NLGN1: variants seen among roughly 807,000 people sequenced by gnomAD.
NLGN1 encodes the protein neuroligin-1.
A neutral mutation model predicts 65.5 loss-of-function variants in NLGN1; 12 were observed. The ratio of observed to expected loss-of-function variants is 0.18; its 90% CI spans 0.12 to 0.30. The LOEUF (loss-of-function observed/expected upper bound fraction) is 0.30. NLGN1 is among the 10% of genes least tolerant of loss of function. The pLI is 1.00. For synonymous variants in NLGN1, 350 were observed against 359.5 expected (o/e 0.97, Z 0.30); for missense variants, 750 against 1,007.1 (o/e 0.74, Z 3.46).
intron 3 of NLGN1, among the ~76,000 whole-genome samples, chr3:173,737,523 C>A (rs1773965445): frequency 2.0e-5 from 3 of 151,982 alleles, no homozygotes; most frequent in African/African-American, 7.2e-5. Flanking sequence ...TGATATGCAA[C>A]CTTTTGGCTT....
chr3:173,841,099 T>C, intron 4 of NLGN1, among the ~76,000 whole-genome samples: 1 of 151,544 alleles, frequency 6.6e-6, no homozygotes, highest in East Asian at 1.9e-4. Flanking sequence ...TTCTTAGAAA[T>C]ACTTTAAAAC....
At chr3:174,231,879 T>C (rs899611497) in intron 4 of NLGN1, among the ~76,000 whole-genome samples, 11 of 152,182 alleles carry the variant, frequency 7.2e-5, no homozygotes, top group African/African-American at 2.7e-4. Flanking sequence ...CCTTTCTAAG[T>C]CTAGGTTTTC....
chr3:173,878,067 A>G (rs1055818818), intron 4 of NLGN1, among the ~76,000 whole-genome samples: 6 of 152,064 alleles, frequency 3.9e-5, no homozygotes, highest in African/African-American at 1.4e-4. Context: ...TTTGAGACAG[A>G]GTCTCGCTCT....
At chr3:173,887,879 A>AC (rs397875268) in intron 4 of NLGN1, among the ~76,000 whole-genome samples, 2 of 151,902 alleles carry the variant, frequency 1.3e-5, no homozygotes, top group Non-Finnish European at 2.9e-5. Context: ...ACTAAAAAAA[A>AC]CCCACTTCTA....
rs142577000 is a variant in NLGN1, at chr3:174,054,720, G to A, written c.647-220595G>A. 2.9e-3 allele frequency among the ~76,000 whole-genome samples: 438 copies of A among 152,100 alleles called. 1 individual carries two copies. The highest frequency in any genetic ancestry group is 4.7e-3 in the Admixed American group (72 of 15,250). Reference sequence around the variant, plus strand: ...AGAACTGGTCCAGACTATATTCAAGGCCATGATGATGAGTTCACTGATACT... The same window carrying A: ...AGAACTGGTCCAGACTATATTCAAGACCATGATGATGAGTTCACTGATACT... On this transcript the variant is annotated intron_variant, in intron 4 of 6. Transcript: ENST00000457714.
intron 4 of NLGN1, among the ~76,000 whole-genome samples, chr3:174,001,282 G>A (rs888231004): frequency 6.6e-6 from 1 of 151,898 alleles, no homozygotes; most frequent in Non-Finnish European, 1.5e-5. Context: ...GAGGGTCAGC[G>A]AGAGGGAGAT....
At chr3:173,457,846 G>T (rs533665717) in intron 2 of NLGN1, among the ~76,000 whole-genome samples, 1 of 152,176 alleles carries the variant, frequency 6.6e-6, no homozygotes, top group East Asian at 1.9e-4. Flanking sequence ...GACAAGATTG[G>T]CATTTATGCA....
At position 174,163,198 on chromosome 3, in the gene NLGN1, G is replaced by A. The variant is rs761349447; in HGVS notation, c.647-112117G>A. ...AGAATCGAAAATATTCTAAGAATAC[G>A]AGCATCAACCTTATTCTTCAGGTTA... On this transcript the variant is annotated intron_variant, in intron 4 of 6. Transcript: ENST00000457714. Among the ~76,000 whole-genome samples the A allele has an allele frequency of 4.0e-5, 6 of 151,802 alleles. No homozygotes were observed. The South Asian group carries it at 8.3e-4, about 21-fold the overall frequency.
chr3:173,869,697 T>C (rs937475437), intron 4 of NLGN1, among the ~76,000 whole-genome samples: 14 of 152,156 alleles, frequency 9.2e-5, no homozygotes, highest in African/African-American at 3.1e-4. Context: ...TCACAGGTAT[T>C]GGGAGACACA....
At chr3:173,808,043 T>G (rs1316791075) in intron 4 of NLGN1, among the ~76,000 whole-genome samples, 1 of 152,168 alleles carries the variant, frequency 6.6e-6, no homozygotes, top group Admixed American at 6.5e-5. Flanking sequence ...CACATTGTCA[T>G]GGAATGTACT....
chr3:173,822,218 C>T (rs530572442), intron 4 of NLGN1, among the ~76,000 whole-genome samples: 19 of 152,192 alleles, frequency 1.2e-4, no homozygotes, highest in Non-Finnish European at 2.4e-4. Flanking sequence ...ATTTTATTTA[C>T]GATCCGTACT....
At chr3:173,405,552 A>G (rs961481785) in intron 1 of NLGN1, among the ~76,000 whole-genome samples, 2 of 152,140 alleles carry the variant, frequency 1.3e-5, no homozygotes, top group Admixed American at 1.3e-4. Flanking sequence ...CATAGCGATA[A>G]CTAATTAACC....
At chr3:174,170,891 A>G (rs1728398410) in intron 4 of NLGN1, among the ~76,000 whole-genome samples, 1 of 152,208 alleles carries the variant, frequency 6.6e-6, no homozygotes, top group African/African-American at 2.4e-5. Flanking sequence ...ACTACATTTC[A>G]TATCCTTGTC....
chr3:173,605,047 G>A (rs138611045), exon 3 of NLGN1: 14 of 1,613,020 alleles, frequency 8.7e-6, no homozygotes, highest in East Asian at 2.2e-5. Context: ...CAAGACCAGA[G>A]CGAAGACTGC....
chr3:174,063,586 A>G (rs28787903), intron 4 of NLGN1, among the ~76,000 whole-genome samples: 39,718 of 151,972 alleles, frequency 0.26, 6,031 homozygotes, highest in African/African-American at 0.43. Context: ...GAGAAAAAAT[A>G]AAATTATGTC....
chr3:173,477,088 G>T (rs112174692), intron 2 of NLGN1, among the ~76,000 whole-genome samples: 2 of 152,036 alleles, frequency 1.3e-5, no homozygotes, highest in Non-Finnish European at 2.9e-5. Flanking sequence ...GCAGCCAGTT[G>T]GATATATTGC....
intron 2 of NLGN1, among the ~76,000 whole-genome samples, chr3:173,530,329 A>G (rs1248425870): frequency 2.0e-5 from 3 of 152,158 alleles, no homozygotes; most frequent in East Asian, 1.9e-4. Context: ...GGTAGGTATT[A>G]TGATCCCCAT....
chr3:174,242,747 A>G (rs1196812950), intron 4 of NLGN1, among the ~76,000 whole-genome samples: 1 of 152,154 alleles, frequency 6.6e-6, no homozygotes, highest in African/African-American at 2.4e-5. Context: ...ATGTGGCAAT[A>G]ATAGAAATAA....
intron 2 of NLGN1, among the ~76,000 whole-genome samples, chr3:173,470,403 T>C (rs1256171344): frequency 1.3e-5 from 2 of 152,052 alleles, no homozygotes; most frequent in East Asian, 3.9e-4. Flanking sequence ...CCTTGTGAAA[T>C]TCACCCATGG....
Sources: gnomAD v4.1 joint callset for allele counts (sites outside exome capture counted in the v4.1 genomes callset) on GRCh38, gnomAD v4.1.1 for gene constraint, MANE v1.5 for transcripts, NCBI Gene and HGNC (gene_info 2026-07-23, HGNC 2026-07-21) for gene names.